PDE4D: variants seen among roughly 807,000 people sequenced by gnomAD.
The protein encoded by PDE4D is 3',5'-cyclic-AMP phosphodiesterase 4D.
PDE4D carries 24 observed loss-of-function variants against 87.4 expected under a neutral mutation model. That is an observed-to-expected ratio of 0.27 (90% CI 0.20 to 0.39). PDE4D has a LOEUF of 0.39. PDE4D is among the 10% of genes least tolerant of loss of function. The pLI is 1.00. For synonymous variants in PDE4D, 384 were observed against 383.2 expected, an observed-to-expected ratio of 1.00 and a Z score of -0.02; for missense variants, 714 against 1,041.0, an observed-to-expected ratio of 0.69 and a Z score of 4.32.
chr5:59,580,124 T>C (rs570412223), intron 1 of PDE4D, among the ~76,000 whole-genome samples: 2 of 152,298 alleles, frequency 1.3e-5, no homozygotes, highest in South Asian at 4.1e-4. Context: ...AAAAGATCCA[T>C]AAACAAGAGT....
chr5:59,310,400 T>C (rs1485759591), intron 1 of PDE4D, among the ~76,000 whole-genome samples: 1 of 152,164 alleles, frequency 6.6e-6, no homozygotes, highest in Non-Finnish European at 1.5e-5. Context: ...ATTCTTTATT[T>C]CCTATCATGA....
intron 1 of PDE4D, among the ~76,000 whole-genome samples, chr5:59,764,516 G>A (rs1762542637): frequency 6.6e-6 from 1 of 152,160 alleles, no homozygotes; most frequent in African/African-American, 2.4e-5. Context: ...ATAGCACCTA[G>A]AGTATGCTGT....
intron 1 of PDE4D, among the ~76,000 whole-genome samples, chr5:59,506,277 A>G (rs1165162372): frequency 6.6e-6 from 1 of 152,200 alleles, no homozygotes; most frequent in African/African-American, 2.4e-5. Flanking sequence ...ATGAAGGTAT[A>G]CAGATTTCCC....
intron 1 of PDE4D, among the ~76,000 whole-genome samples, chr5:59,856,440 T>C (rs1034519368): frequency 2.0e-5 from 3 of 152,198 alleles, no homozygotes; most frequent in Non-Finnish European, 4.4e-5. Flanking sequence ...GACAGTTAAA[T>C]GCATAAATCT....
intron 1 of PDE4D, among the ~76,000 whole-genome samples, chr5:59,232,279 G>A (rs1297019000): frequency 2.6e-5 from 4 of 151,934 alleles, no homozygotes; most frequent in South Asian, 2.1e-4. Flanking sequence ...ATCTGACAAC[G>A]GACTAATATC....
rs1743351399 is a variant in PDE4D at position 58,975,022 on chromosome 5, T to C, written c.2072A>G (p.His691Arg). The change falls in exon 15 of 15, where the codon CAC (histidine) becomes CGC (arginine). Residue 691 changes from histidine (H) to arginine (R), a missense_variant. His to Arg is a conservative substitution (Grantham distance 29, BLOSUM62 0). Transcript: ENST00000340635. This position sits in a 1 kb window ranked among gnomAD's most constrained non-coding sequence, Gnocchi z 4.2. ...PLWETWADLV[H>R]PDAQDILDTL... ...GTCCAAAATATCCTGGGCGTCAGGG[T>C]GGACGAGGTCTGCCCATGTCTCCCA... 6.2e-7 allele frequency: 1 copy of C among 1,603,700 alleles called. No homozygotes were observed. Among genetic ancestry groups the C allele is most frequent in the Non-Finnish European group, 8.5e-7 (1 of 1,173,068 alleles).
intron 1 of PDE4D, among the ~76,000 whole-genome samples, chr5:59,555,774 G>T (rs1316297555): frequency 6.6e-6 from 1 of 152,066 alleles, no homozygotes; most frequent in African/African-American, 2.4e-5. Context: ...TTCCAAGGTG[G>T]CTATGCAAAT....
chr5:60,256,270 A>G (rs1749036785), intron 1 of PDE4D, among the ~76,000 whole-genome samples: 1 of 151,894 alleles, frequency 6.6e-6, no homozygotes, highest in Non-Finnish European at 1.5e-5. Context: ...AAACATCACC[A>G]TCAGTACCAC....
chr5:60,058,699 A>G (rs559188187), intron 2 of PDE4D, among the ~76,000 whole-genome samples: 1 of 152,036 alleles, frequency 6.6e-6, no homozygotes, highest in East Asian at 1.9e-4. Flanking sequence ...ATAATCATGT[A>G]CAAGTTTACC....
In PDE4D at chr5:58,975,886, T is replaced by TTTTTA; in HGVS notation, c.1831-48_1831-47insTAAAA. The TTTTTA allele has an allele frequency of 1.9e-6, 2 of 1,067,236 alleles. No individual in the cohort carries two copies. Among genetic ancestry groups the TTTTTA allele is most frequent in the Non-Finnish European group, 2.5e-6 (2 of 797,902 alleles). 66.1% of individuals were successfully genotyped at this position (1,067,236 alleles called of 1,614,324 possible). A position where few individuals can be genotyped will look rare whatever the true frequency, so the allele number is the denominator to read the frequency against. ...TCTATTCACTCCTGTTCCTTTTTTT[T>TTTTTA]AAAAAAAAAAACAAAAAAAACTAGA... On this transcript the variant is annotated intron_variant, in intron 13 of 14. Transcript: ENST00000340635. This position sits in a 1 kb window ranked among gnomAD's most constrained non-coding sequence, Gnocchi z 4.2.
intron 1 of PDE4D, among the ~76,000 whole-genome samples, chr5:59,584,380 C>T (rs2153701131): frequency 6.6e-6 from 1 of 152,322 alleles, no homozygotes; most frequent in East Asian, 1.9e-4. Flanking sequence ...AGGAGTTATA[C>T]AGAGCATTAA....
rs1490291783 is a variant in PDE4D, at chr5:60,282,235, A to ATATATATATATATG, written c.-89-96549_-89-96548insCATATATATATATA. 4.8e-3 allele frequency among the ~76,000 whole-genome samples: 637 copies of ATATATATATATATG among 132,010 alleles called. 7 individuals carry two copies. Among genetic ancestry groups the ATATATATATATATG allele is most frequent in the Middle Eastern group, 0.016 (4 of 258 alleles). 86.6% of individuals were successfully genotyped at this position (132,010 alleles called of 152,430 possible). ...TATATATATATATATATATATATATATATTTCTCAAAATGAGCTCTATTTG... is the reference window on the plus strand; with the variant it reads ...TATATATATATATATATATATATATATATATATATATATGTATTTCTCAAAATGAGCTCTATTTG... On this transcript the variant is annotated intron_variant, in intron 1 of 16. Transcript: ENST00000502484.
intron 1 of PDE4D, among the ~76,000 whole-genome samples, chr5:59,278,197 T>G (rs1765182669): frequency 6.6e-6 from 1 of 152,124 alleles, no homozygotes; most frequent in Non-Finnish European, 1.5e-5. Flanking sequence ...ATTTCTCACA[T>G]GAACATTTCT....
chr5:60,449,100 C>T (rs1011092586), intron 1 of PDE4D, among the ~76,000 whole-genome samples: 4 of 144,614 alleles, frequency 2.8e-5, no homozygotes, highest in South Asian at 4.4e-4. Flanking sequence ...CACACACACA[C>T]GATCATGAAA....
chr5:59,035,441 C>G (rs2153389231), intron 6 of PDE4D, among the ~76,000 whole-genome samples: 1 of 152,272 alleles, frequency 6.6e-6, no homozygotes, highest in South Asian at 2.1e-4. Context: ...TTATAAAAAT[C>G]CATCAAACTT....
chr5:60,009,141 CT>C (rs1274177093), intron 2 of PDE4D, among the ~76,000 whole-genome samples: 1 of 151,994 alleles, frequency 6.6e-6, no homozygotes, highest in African/African-American at 2.4e-5. Context: ...AACTGCCTTC[CT>C]ACATCTTAAG....
intron 1 of PDE4D, among the ~76,000 whole-genome samples, chr5:59,324,347 C>T (rs1190164583): frequency 1.3e-5 from 2 of 152,144 alleles, no homozygotes; most frequent in African/African-American, 2.4e-5. Context: ...ATCCACCTAC[C>T]CTTGCAGCCA....
At chr5:59,127,730 C>G (rs1224059590) in intron 5 of PDE4D, among the ~76,000 whole-genome samples, 3 of 151,764 alleles carry the variant, frequency 2.0e-5, no homozygotes, top group Non-Finnish European at 4.4e-5. Flanking sequence ...ACTCTGCTGA[C>G]GTCAATGGCA....
At chr5:59,771,074 T>C (rs1284837893) in intron 1 of PDE4D, among the ~76,000 whole-genome samples, 1 of 151,916 alleles carries the variant, frequency 6.6e-6, no homozygotes, top group East Asian at 1.9e-4. Context: ...TGAGGCAGCA[T>C]TGAGCCATGA....
Sources: gnomAD v4.1 joint callset for allele counts (sites outside exome capture counted in the v4.1 genomes callset) on GRCh38, gnomAD v4.1.1 for gene constraint, Gnocchi (gnomAD v3.1) non-coding constraint, MANE v1.5 for transcripts, NCBI Gene and HGNC (gene_info 2026-07-23, HGNC 2026-07-21) for gene names.